Variants in FAM13B observed in about 807,000 individuals in gnomAD.
FAM13B encodes the protein protein FAM13B.
In FAM13B, 60 loss-of-function variants were observed where a neutral mutation model predicts 117.3. The observed-to-expected ratio is 0.51, with a 90% CI of 0.42 to 0.63. The LOEUF (loss-of-function observed/expected upper bound fraction) is 0.63. Ranked by LOEUF, FAM13B falls within the 30% of genes least tolerant of loss-of-function variation. The pLI is 0.00. For missense variants in FAM13B, 972 were observed against 1,091.9 expected (o/e 0.89, Z 1.55); for synonymous variants, 332 against 356.1 (o/e 0.93, Z 0.76).
chr5:138,037,607 T>C (rs981616193), upstream of FAM13B, among the ~76,000 whole-genome samples: 1 of 152,044 alleles, frequency 6.6e-6, no homozygotes, highest in Non-Finnish European at 1.5e-5. Flanking sequence ...ACTGAATTCA[T>C]CTCTTCCAGA....
intron 10 of FAM13B, among the ~76,000 whole-genome samples, chr5:137,976,762 G>A (rs1397681880): frequency 6.6e-6 from 1 of 152,122 alleles, no homozygotes; most frequent in Non-Finnish European, 1.5e-5. Context: ...TCCTATGCCT[G>A]TCTTTACTTT....
chr5:137,997,478 T>A (rs906385897), intron 7 of FAM13B, among the ~76,000 whole-genome samples: 8 of 150,248 alleles, frequency 5.3e-5, no homozygotes, highest in African/African-American at 9.7e-5. Context: ...TCAAAAAATA[T>A]ATATATATAT....
rs67314207 is a variant in FAM13B, at chr5:138,025,288, C to CATATATATATATAT, written c.-202-4105_-202-4092dup. ...AGATAACAGTGATTACAAACAAAGC[C>CATATATATATATAT]ATATATATATATATATATATATGTA... On this transcript the variant is annotated intron_variant, in intron 1 of 23. Coordinates refer to ENST00000689681, the MANE Select transcript of FAM13B (RefSeq NM_001385994.1). 2.8e-3 allele frequency among the ~76,000 whole-genome samples: 255 copies of CATATATATATATAT among 92,606 alleles called. 2 individuals are homozygous for CATATATATATATAT. Among genetic ancestry groups the CATATATATATATAT allele is most frequent in the Non-Finnish European group, 3.4e-3 (172 of 50,688 alleles). The allele number at this position is 92,606 out of a possible 152,430, so 60.8% of individuals were successfully genotyped here.
chr5:138,010,027 C>A (rs1467922815), intron 6 of FAM13B, among the ~76,000 whole-genome samples: 1 of 152,094 alleles, frequency 6.6e-6, no homozygotes, highest in Non-Finnish European at 1.5e-5. Flanking sequence ...GTCGGTCAGG[C>A]TGAAGTGCAG....
At chr5:137,989,831 G>A (rs1254658127) in intron 7 of FAM13B, among the ~76,000 whole-genome samples, 1 of 151,914 alleles carries the variant, frequency 6.6e-6, no homozygotes, top group East Asian at 1.9e-4. Context: ...TCAAAAAAAA[G>A]AAAGAAAAAT....
chr5:138,048,378 T>C (rs1263013590), intron 1 of FAM13B, among the ~76,000 whole-genome samples: 1 of 152,210 alleles, frequency 6.6e-6, no homozygotes, highest in African/African-American at 2.4e-5. Flanking sequence ...TAATTGTTAC[T>C]TATAGTGGAG....
intron 10 of FAM13B, among the ~76,000 whole-genome samples, chr5:137,971,168 G>C (rs1384789028): frequency 6.6e-6 from 1 of 151,254 alleles, no homozygotes; most frequent in Non-Finnish European, 1.5e-5. Context: ...ATTTTTTTCA[G>C]CACCACACCA....
intron 10 of FAM13B, among the ~76,000 whole-genome samples, chr5:137,982,532 C>CAAT (rs1304310128): frequency 1.4e-5 from 2 of 138,436 alleles, no homozygotes; most frequent in African/African-American, 5.4e-5. Context: ...AAAACAACAA[C>CAAT]AACAACAACA....
At chr5:138,045,059 T>C (rs1264488828) in intron 1 of FAM13B, among the ~76,000 whole-genome samples, 1 of 152,200 alleles carries the variant, frequency 6.6e-6, no homozygotes, top group Non-Finnish European at 1.5e-5. Flanking sequence ...GAAAACATAA[T>C]ATCTCTAGAA....
At chr5:138,031,041 A>C (rs1263611770) in intron 1 of FAM13B, among the ~76,000 whole-genome samples, 1 of 152,112 alleles carries the variant, frequency 6.6e-6, no homozygotes, top group Non-Finnish European at 1.5e-5. Context: ...AAAAAAAAAA[A>C]CAAAACAGTA....
At chr5:137,969,938 C>T (rs911148863) in intron 10 of FAM13B, among the ~76,000 whole-genome samples, 4 of 152,104 alleles carry the variant, frequency 2.6e-5, no homozygotes, top group Non-Finnish European at 4.4e-5. Flanking sequence ...TGAGCAAAGC[C>T]TCCAAGAAAT....
intron 1 of FAM13B, among the ~76,000 whole-genome samples, chr5:138,023,584 T>A (rs1454669128): frequency 6.6e-6 from 1 of 152,144 alleles, no homozygotes; most frequent in Non-Finnish European, 1.5e-5. Flanking sequence ...AAACTGGCCA[T>A]AGTCTTTTTC....
At chr5:138,050,842 T>TA (rs1449555158) in intron 1 of FAM13B, among the ~76,000 whole-genome samples, 2 of 152,228 alleles carry the variant, frequency 1.3e-5, no homozygotes, top group Non-Finnish European at 2.9e-5. Flanking sequence ...GACAAGTACT[T>TA]ACAGAGGGCC....
At chr5:137,955,028 A>C (rs1766109257) in intron 14 of FAM13B, among the ~76,000 whole-genome samples, 1 of 151,776 alleles carries the variant, frequency 6.6e-6, no homozygotes, top group African/African-American at 2.4e-5. Context: ...GATGTTATTT[A>C]ATATAATTCT....
upstream of FAM13B, among the ~76,000 whole-genome samples, chr5:138,035,673 T>C (rs1354617722): frequency 1.3e-5 from 2 of 152,154 alleles, no homozygotes; most frequent in African/African-American, 4.8e-5. Context: ...GTTTTCCTCT[T>C]TTTCAGCTGG....
At chr5:138,034,140 C>G (rs530266906), upstream of FAM13B, 11 of 152,338 alleles carry the variant, frequency 7.2e-5, no homozygotes, top group East Asian at 2.1e-3. Flanking sequence ...CACAAAGAGT[C>G]TAAAACCAGA....
intron 7 of FAM13B, among the ~76,000 whole-genome samples, chr5:137,998,853 C>T (rs1780483921): frequency 6.6e-6 from 1 of 152,222 alleles, no homozygotes; most frequent in East Asian, 1.9e-4. Context: ...CCGGGGCAGC[C>T]CCATCCTTTG....
intron 1 of FAM13B, among the ~76,000 whole-genome samples, chr5:138,048,167 T>A (rs571307495): frequency 6.6e-6 from 1 of 152,334 alleles, no homozygotes; most frequent in African/African-American, 2.4e-5. Flanking sequence ...ATTTCCCATA[T>A]ACCCACTGCC....
chr5:137,953,077 A>G (rs1449019622), intron 16 of FAM13B, among the ~76,000 whole-genome samples: 1 of 152,240 alleles, frequency 6.6e-6, no homozygotes. Context: ...TTGTCAATGT[A>G]AAGTATTTGC....
Sources: gnomAD v4.1 joint callset for allele counts (sites outside exome capture counted in the v4.1 genomes callset) on GRCh38, gnomAD v4.1.1 for gene constraint, MANE v1.5 for transcripts, NCBI Gene and HGNC (gene_info 2026-07-23, HGNC 2026-07-21) for gene names.